AMPH: variants seen among roughly 807,000 people sequenced by gnomAD.
AMPH encodes amphiphysin (Stiff-Mann syndrome with breast cancer 128kD autoantigen).
In AMPH, 49 loss-of-function variants were observed where a neutral mutation model predicts 99.1. The observed-to-expected ratio is 0.49, with a 90% CI of 0.39 to 0.63. AMPH has a LOEUF of 0.63. Ranked by LOEUF, AMPH falls within the 20% of genes least tolerant of loss-of-function variation. The probability of loss-of-function intolerance (pLI) is 0.00; values close to 1 mark genes in which losing one functional copy is unlikely to be tolerated. For synonymous variants in AMPH, 314 were observed against 317.3 expected, an observed-to-expected ratio of 0.99 and a Z score of 0.11; for missense variants, 759 against 863.4, an observed-to-expected ratio of 0.88 and a Z score of 1.52.
intron 2 of AMPH, among the ~76,000 whole-genome samples, chr7:38,509,219 T>C (rs930449278): frequency 3.3e-5 from 5 of 152,174 alleles, no homozygotes; most frequent in South Asian, 2.1e-4. Context: ...AAGATAAAGA[T>C]GAAATAAGAC....
At chr7:38,438,453 G>A (rs1786374976) in intron 11 of AMPH, among the ~76,000 whole-genome samples, 1 of 152,178 alleles carries the variant, frequency 6.6e-6, no homozygotes, top group Non-Finnish European at 1.5e-5. Context: ...CTGCCAGGCT[G>A]TCAACTGATG....
At chr7:38,462,894 G>T in intron 10 of AMPH, 81 bp downstream of exon 10, 1 of 1,420,904 alleles carries the variant, frequency 7.0e-7, no homozygotes, top group South Asian at 1.8e-5. Context: ...TTAAAGCCCC[G>T]GCACCGTGGG....
intron 1 of AMPH, among the ~76,000 whole-genome samples, chr7:38,610,790 T>C (rs867643165): frequency 6.6e-6 from 1 of 151,984 alleles, no homozygotes; most frequent in African/African-American, 2.4e-5. Context: ...TTTAGTAACA[T>C]AGCAAACAAA....
intron 1 of AMPH, among the ~76,000 whole-genome samples, chr7:38,558,148 G>A (rs1335974437): frequency 6.6e-6 from 1 of 152,196 alleles, no homozygotes; most frequent in Non-Finnish European, 1.5e-5. Context: ...GCTCCATCTT[G>A]ACTTCAGTGC....
chr7:38,508,241 G>A lies in AMPH; in HGVS notation c.151-4537C>T, dbSNP rs545762391. ...CCTACTACCATGTGCATGACACCCCGGGGCAGGGGTGTGCATCACTATGGC... is the reference window on the plus strand; with the variant it reads ...CCTACTACCATGTGCATGACACCCCAGGGCAGGGGTGTGCATCACTATGGC... On this transcript the variant is annotated intron_variant, in intron 2 of 20. Transcript: ENST00000356264. Among the ~76,000 whole-genome samples, 25 of 152,220 alleles carry A rather than the reference G, an allele frequency of 1.6e-4. No individual in the cohort carries two copies. The South Asian group carries it at 3.3e-3, about 20-fold the overall frequency.
intron 17 of AMPH, among the ~76,000 whole-genome samples, chr7:38,404,889 C>A (rs969167536): frequency 6.6e-6 from 1 of 152,050 alleles, no homozygotes; most frequent in Non-Finnish European, 1.5e-5. Flanking sequence ...AGATTAACAT[C>A]ATCAAGAAAT....
intron 11 of AMPH, among the ~76,000 whole-genome samples, chr7:38,454,628 G>A (rs983956082): frequency 6.6e-6 from 1 of 152,006 alleles, no homozygotes; most frequent in Non-Finnish European, 1.5e-5. Flanking sequence ...AAATCAGTAG[G>A]AACACTGACT....
In AMPH at chr7:38,483,580, G is replaced by C. The variant is rs910933982; in HGVS notation, c.397-6611C>G. On this transcript the variant is annotated intron_variant, in intron 5 of 20. Transcript: ENST00000356264. ...GACCCAGCATTCTCTAGATGCCTAG[G>C]GGGTGCTAAGAACAAAGAAAACTGT... is the stretch of plus-strand genomic sequence containing the variant. Among the ~76,000 whole-genome samples, 4 of 152,218 alleles carry C rather than the reference G, an allele frequency of 2.6e-5. No individual in the cohort carries two copies. In the East Asian group the frequency reaches 5.8e-4, roughly 22 times the overall value.
intron 2 of AMPH, among the ~76,000 whole-genome samples, chr7:38,523,187 C>CAGAT (rs746218658): frequency 6.6e-6 from 1 of 151,424 alleles, no homozygotes. Flanking sequence ...GTCACGGTTT[C>CAGAT]AGATAGATAG....
chr7:38,470,662 A>C (rs982170175), intron 7 of AMPH, among the ~76,000 whole-genome samples: 6 of 151,954 alleles, frequency 3.9e-5, no homozygotes, highest in African/African-American at 1.5e-4. Context: ...CGACCATCTA[A>C]TTCATCAACT....
At chr7:38,446,930 A>C (rs1786807651) in intron 11 of AMPH, among the ~76,000 whole-genome samples, 1 of 152,224 alleles carries the variant, frequency 6.6e-6, no homozygotes. Flanking sequence ...ACATGGAAAT[A>C]CTTTTGTTAT....
chr7:38,460,150 C>T (rs558076717), intron 11 of AMPH, among the ~76,000 whole-genome samples: 8 of 152,132 alleles, frequency 5.3e-5, no homozygotes, highest in Non-Finnish European at 8.8e-5. Flanking sequence ...TGTCATCGTA[C>T]CCCAGTTAGA....
chr7:38,517,189 T>C (rs1342768715), intron 2 of AMPH, among the ~76,000 whole-genome samples: 1 of 152,194 alleles, frequency 6.6e-6, no homozygotes, highest in African/African-American at 2.4e-5. Context: ...ACATGAGATT[T>C]GGGAGGCCAG....
At chr7:38,596,257 A>G (rs1159336470) in intron 1 of AMPH, among the ~76,000 whole-genome samples, 2 of 152,174 alleles carry the variant, frequency 1.3e-5, no homozygotes, top group Non-Finnish European at 2.9e-5. Context: ...GAGAGAAGGA[A>G]TAAGTCTATG....
intron 19 of AMPH, among the ~76,000 whole-genome samples, chr7:38,390,659 C>A (rs1784461120): frequency 6.6e-6 from 1 of 152,050 alleles, no homozygotes; most frequent in South Asian, 2.1e-4. Flanking sequence ...TATGTTATCC[C>A]TAAATTAATT....
At chr7:38,573,556 T>C (rs1792126551) in intron 1 of AMPH, among the ~76,000 whole-genome samples, 1 of 152,222 alleles carries the variant, frequency 6.6e-6, no homozygotes. Context: ...GTGTCTTTAT[T>C]TACTTTTCAA....
chr7:38,516,082 A>T (rs1007880334), intron 2 of AMPH, among the ~76,000 whole-genome samples: 2 of 152,236 alleles, frequency 1.3e-5, no homozygotes, highest in African/African-American at 4.8e-5. Flanking sequence ...GTAGACTGTA[A>T]AAGTTTGGAA....
chr7:38,415,782 A>C (rs929595904), intron 17 of AMPH, among the ~76,000 whole-genome samples: 1 of 151,770 alleles, frequency 6.6e-6, no homozygotes, highest in Admixed American at 6.6e-5. Flanking sequence ...ATGAACTTGA[A>C]TTTTTTCTCT....
intron 17 of AMPH, among the ~76,000 whole-genome samples, chr7:38,412,075 T>C (rs1172981671): frequency 6.6e-6 from 1 of 152,058 alleles, no homozygotes. Context: ...ACCAAGGGCC[T>C]GGGGAGGGGA....
Sources: gnomAD v4.1 joint callset for allele counts (sites outside exome capture counted in the v4.1 genomes callset) on GRCh38, gnomAD v4.1.1 for gene constraint, MANE v1.5 for transcripts, NCBI Gene and HGNC (gene_info 2026-07-23, HGNC 2026-07-21) for gene names.